ELMOD1: variants seen among roughly 807,000 people sequenced by gnomAD.
ELMOD1 encodes the protein ELMO domain-containing protein 1.
In ELMOD1, 21 loss-of-function variants were observed where a neutral mutation model predicts 46.7. That is an observed-to-expected ratio of 0.45 (90% confidence interval 0.32 to 0.65). The LOEUF (loss-of-function observed/expected upper bound fraction) is 0.65. ELMOD1 is among the 30% of genes least tolerant of loss of function. ELMOD1 has a pLI of 0.04. For missense variants in ELMOD1, 348 were observed against 407.8 expected (o/e 0.85, Z 1.26); for synonymous variants, 122 against 138.2 (o/e 0.88, Z 0.82).
intron 2 of ELMOD1, chr11:107,620,098 T>C (rs1865923743): frequency 6.6e-6 from 1 of 152,212 alleles, no homozygotes; most frequent in Non-Finnish European, 1.5e-5. Flanking sequence ...GAGAAGGTTA[T>C]GTAAGCAAAG....
intron 1 of ELMOD1, among the ~76,000 whole-genome samples, chr11:107,610,890 C>G (rs1365532148): frequency 6.7e-6 from 1 of 149,212 alleles, no homozygotes; most frequent in African/African-American, 2.5e-5. Context: ...GGATAGCATG[C>G]TAGCCATATG....
chr11:107,654,961 C>T (rs1333289470), intron 10 of ELMOD1, among the ~76,000 whole-genome samples: 2 of 151,864 alleles, frequency 1.3e-5, no homozygotes, highest in African/African-American at 2.4e-5. Context: ...ACTCAGGTTC[C>T]GTTAATTTTT....
chr11:107,607,951 G>A (rs568568500), intron 1 of ELMOD1, among the ~76,000 whole-genome samples: 2 of 149,938 alleles, frequency 1.3e-5, no homozygotes, highest in East Asian at 3.9e-4. Context: ...GTGAACTCCC[G>A]GCTCCCCCAC....
chr11:107,628,690 C>T (rs1225624344), intron 2 of ELMOD1, among the ~76,000 whole-genome samples: 2 of 151,556 alleles, frequency 1.3e-5, no homozygotes, highest in Non-Finnish European at 1.5e-5. Context: ...ACTGACTATA[C>T]ATGGAAATTT....
chr11:107,613,929 TC>T (rs1399404651), intron 1 of ELMOD1, among the ~76,000 whole-genome samples: 12 of 152,354 alleles, frequency 7.9e-5, no homozygotes, highest in Non-Finnish European at 1.5e-4. Context: ...TGTGTTGTCT[TC>T]CTGACCTTCA....
intron 2 of ELMOD1, among the ~76,000 whole-genome samples, chr11:107,622,186 C>T (rs1180771598): frequency 6.6e-6 from 1 of 152,028 alleles, no homozygotes. Context: ...TTCATTGAGA[C>T]AATGTTGAGA....
At chr11:107,609,956 G>A (rs1341441406) in intron 1 of ELMOD1, among the ~76,000 whole-genome samples, 1 of 152,134 alleles carries the variant, frequency 6.6e-6, no homozygotes, top group Non-Finnish European at 1.5e-5. Context: ...CCAATTGGGA[G>A]ATTTGCAGTT....
chr11:107,601,737 AT>A (rs1056103578), intron 1 of ELMOD1, among the ~76,000 whole-genome samples: 1 of 151,856 alleles, frequency 6.6e-6, no homozygotes, highest in South Asian at 2.1e-4. Context: ...TTTTCTATTA[AT>A]TTTTTTATTA....
chr11:107,626,629 C>CTTTTCTTTCCCTCTCTCTTTCTTTCT (rs6144500), intron 2 of ELMOD1, among the ~76,000 whole-genome samples: 6 of 131,856 alleles, frequency 4.6e-5, no homozygotes, highest in South Asian at 5.0e-4. Flanking sequence ...TTCTTTCCTT[C>CTTTTCTTTCCCTCTCTCTTTCTTTCT]TTTTCTTTCC....
At chr11:107,655,455 G>A (rs1186597554) in intron 10 of ELMOD1, among the ~76,000 whole-genome samples, 1 of 151,578 alleles carries the variant, frequency 6.6e-6, no homozygotes, top group African/African-American at 2.4e-5. Flanking sequence ...ACTCATTACT[G>A]AAATTTTCTG....
At chr11:107,628,321 C>A (rs1299099970) in intron 2 of ELMOD1, among the ~76,000 whole-genome samples, 1 of 152,054 alleles carries the variant, frequency 6.6e-6, no homozygotes, top group African/African-American at 2.4e-5. Flanking sequence ...CATGTGCCAC[C>A]ACGCCCAGCT....
At chr11:107,632,512 T>C (rs575849069) in intron 5 of ELMOD1, among the ~76,000 whole-genome samples, 1 of 152,298 alleles carries the variant, frequency 6.6e-6, no homozygotes, top group South Asian at 2.1e-4. Context: ...GGATACTAGC[T>C]ATCTAGGGGC....
chr11:107,658,296 A>G (rs1424734602), intron 11 of ELMOD1, among the ~76,000 whole-genome samples: 2 of 152,194 alleles, frequency 1.3e-5, no homozygotes, highest in Non-Finnish European at 2.9e-5. Context: ...TTGATTCTGA[A>G]CAATGTGCAT....
At chr11:107,633,711 G>A (rs1402525105) in intron 5 of ELMOD1, among the ~76,000 whole-genome samples, 2 of 152,074 alleles carry the variant, frequency 1.3e-5, no homozygotes, top group African/African-American at 2.4e-5. Flanking sequence ...GATTACAGGC[G>A]TAAGACACCG....
At chr11:107,592,047 G>T in intron 1 of ELMOD1, 1 of 476,348 alleles carries the variant, frequency 2.1e-6, no homozygotes. Flanking sequence ...ACAGCTGACG[G>T]GGCTGTTAAA....
intron 11 of ELMOD1, among the ~76,000 whole-genome samples, chr11:107,657,279 C>G (rs1866651201): frequency 6.6e-6 from 1 of 152,188 alleles, no homozygotes; most frequent in South Asian, 2.1e-4. Flanking sequence ...CACTGCACAT[C>G]ACACCTGTAA....
chr11:107,660,324 T>C (rs1866716503), intron 11 of ELMOD1, among the ~76,000 whole-genome samples: 1 of 152,170 alleles, frequency 6.6e-6, no homozygotes, highest in African/African-American at 2.4e-5. Flanking sequence ...AAGAATATAA[T>C]AGCTCCATCC....
intron 10 of ELMOD1, among the ~76,000 whole-genome samples, chr11:107,654,585 C>T (rs1591136675): frequency 2.0e-5 from 3 of 151,834 alleles, no homozygotes; most frequent in Admixed American, 6.6e-5. Context: ...CTGGCTAACA[C>T]GGTGAAACCC....
At chr11:107,656,439 T>A (rs1866634249) in intron 11 of ELMOD1, among the ~76,000 whole-genome samples, 1 of 147,762 alleles carries the variant, frequency 6.8e-6, no homozygotes, top group African/African-American at 2.5e-5. Flanking sequence ...TAAAAATACA[T>A]GATATATATA....
Sources: gnomAD v4.1 joint callset for allele counts (sites outside exome capture counted in the v4.1 genomes callset) on GRCh38, gnomAD v4.1.1 for gene constraint, MANE v1.5 for transcripts, NCBI Gene and HGNC (gene_info 2026-07-23, HGNC 2026-07-21) for gene names.